ANKRD36C: variants seen among roughly 807,000 people sequenced by gnomAD.
ANKRD36C encodes ankyrin repeat domain 36C.
Under a neutral mutation model 276.4 loss-of-function variants are expected in ANKRD36C, and 61 were observed. The ratio of observed to expected loss-of-function variants is 0.22; its 90% confidence interval spans 0.18 to 0.27. The LOEUF is 0.27. Among genes scored for constraint, ANKRD36C ranks in the 10% least tolerant of loss-of-function variants. The pLI is 1.00. For synonymous variants in ANKRD36C, 483 were observed against 680.1 expected, an observed-to-expected ratio of 0.71 and a Z score of 4.51; for missense variants, 1,447 against 2,032.3, an observed-to-expected ratio of 0.71 and a Z score of 5.54.
chr2:95,879,548 T>C (rs2104318994), intron 58 of ANKRD36C, among the ~76,000 whole-genome samples: 1 of 152,042 alleles, frequency 6.6e-6, no homozygotes, highest in South Asian at 2.1e-4. Flanking sequence ...TATCAAACTA[T>C]CTCATCTACT....
At position 95,954,412 on chromosome 2, in the gene ANKRD36C, C is replaced by A. The variant is rs555070127; in HGVS notation, c.1137-407G>T. On this transcript the variant is annotated intron_variant, in intron 13 of 66. Transcript: ENST00000456556. ...CTGGAGTCAACCTGATAACCTAAAACAAGGTAGAAAAGGCACGGTCTCTTC... is the reference window on the plus strand; with the variant it reads ...CTGGAGTCAACCTGATAACCTAAAAAAAGGTAGAAAAGGCACGGTCTCTTC... Among the ~76,000 whole-genome samples, 48 of 152,226 alleles carry A rather than the reference C, an allele frequency of 3.2e-4. No homozygotes were observed. The Middle Eastern group carries it at 0.014, about 43-fold the overall frequency.
chr2:95,902,533 G>A (rs545070588), intron 42 of ANKRD36C, among the ~76,000 whole-genome samples: 1 of 150,368 alleles, frequency 6.7e-6, no homozygotes, highest in African/African-American at 2.4e-5. Flanking sequence ...TTGGCAGTAC[G>A]ATCTGAAGTG....
chr2:95,897,544 C>G, intron 44 of ANKRD36C, 79 bp from the exon 59 acceptor site: 1 of 1,503,488 alleles, frequency 6.7e-7, no homozygotes, highest in Non-Finnish European at 9.0e-7. Flanking sequence ...GTGTTAGCAT[C>G]AACCTCCGTC....
At chr2:95,991,611 A>G (rs1679144725) in exon 1 of ANKRD36C, 3 of 1,614,056 alleles carry the variant, frequency 1.9e-6, no homozygotes, top group Non-Finnish European at 2.5e-6. Flanking sequence ...GATCCCCTTC[A>G]GATGATACGG....
chr2:95,893,400 C>T (rs1270633630), intron 44 of ANKRD36C, 133 bp downstream of exon 64: 2 of 1,303,554 alleles, frequency 1.5e-6, no homozygotes, highest in Non-Finnish European at 2.1e-6. Context: ...CAAGAACTTA[C>T]TACAAATGAA....
chr2:95,982,339 A>G (rs1379886228), exon 4 of ANKRD36C: 1 of 1,549,642 alleles, frequency 6.5e-7, no homozygotes, highest in South Asian at 1.2e-5. Flanking sequence ...GACTCACAGC[A>G]AGGAACAGTG....
chr2:95,867,056 A>G (rs1675696537), intron 60 of ANKRD36C, among the ~76,000 whole-genome samples: 2 of 152,198 alleles, frequency 1.3e-5, no homozygotes, highest in African/African-American at 4.8e-5. Context: ...GATTTTTTAC[A>G]ACTATATAAT....
At chr2:95,958,133 TC>T (rs925769583) in intron 12 of ANKRD36C, among the ~76,000 whole-genome samples, 1 of 152,198 alleles carries the variant, frequency 6.6e-6, no homozygotes, top group African/African-American at 2.4e-5. Flanking sequence ...CAATCCCTCT[TC>T]CCTGAGGAAA....
At chr2:95,959,016 A>G (rs998943023) in intron 10 of ANKRD36C, among the ~76,000 whole-genome samples, 1 of 152,286 alleles carries the variant, frequency 6.6e-6, no homozygotes, top group Non-Finnish European at 1.5e-5. Context: ...ATTATTCTTC[A>G]TATGTCTATT....
intron 18 of ANKRD36C, 102 bp downstream of exon 18, chr2:95,945,012 G>A (rs901254632): frequency 7.1e-7 from 1 of 1,408,106 alleles, no homozygotes; most frequent in African/African-American, 1.4e-5. Flanking sequence ...ACTCCAGCCT[G>A]GGCAACATTG....
chr2:95,966,444 T>C (rs1678593094), intron 6 of ANKRD36C, among the ~76,000 whole-genome samples: 1 of 152,184 alleles, frequency 6.6e-6, no homozygotes, highest in Non-Finnish European at 1.5e-5. Context: ...CCATTCCTTT[T>C]GTCAGGTTTG....
At chr2:95,936,462 T>C (rs1348840228) in intron 22 of ANKRD36C, among the ~76,000 whole-genome samples, 1 of 152,280 alleles carries the variant, frequency 6.6e-6, no homozygotes, top group African/African-American at 2.4e-5. Flanking sequence ...ATGAAGCACC[T>C]GTCCTATTGT....
rs1342954112 is a variant in ANKRD36C, at chr2:95,912,580, G to C, written c.2552-145C>G. The C allele has an allele frequency of 6.1e-6, 9 of 1,475,888 alleles. No homozygotes were observed. In the East Asian group the frequency reaches 1.7e-4, roughly 28 times the overall value. 91.4% of individuals were successfully genotyped at this position (1,475,888 alleles called of 1,614,324 possible). ...GCTTCTATTTTGTGTCTGGGGACCA[G>C]AACGTGACAGAAACACACTGAAAAA... On this transcript the variant is annotated intron_variant, in intron 40 of 66. Coordinates refer to ENST00000456556, the Ensembl canonical transcript of ANKRD36C.
intron 54 of ANKRD36C, among the ~76,000 whole-genome samples, chr2:95,883,382 A>G (rs1676130337): frequency 6.6e-6 from 1 of 152,150 alleles, no homozygotes; most frequent in South Asian, 2.1e-4. Flanking sequence ...GCTACTCTCT[A>G]AAGCATTTTC....
exon 65 of ANKRD36C, chr2:95,852,138 C>A: frequency 6.2e-7 from 1 of 1,608,352 alleles, no homozygotes; most frequent in South Asian, 1.1e-5. Context: ...TTGTGCGTCG[C>A]CTTCCATCTC....
intron 16 of ANKRD36C, 124 bp from the exon 17 acceptor site, chr2:95,948,720 A>C: frequency 1.3e-6 from 1 of 779,358 alleles, no homozygotes; most frequent in Non-Finnish European, 2.0e-6. Context: ...GAGGAAGGTC[A>C]GTTATCCTTA....
chr2:95,885,007 A>G (rs907841655), intron 52 of ANKRD36C, among the ~76,000 whole-genome samples: 3 of 152,012 alleles, frequency 2.0e-5, no homozygotes, highest in African/African-American at 7.2e-5. Flanking sequence ...GCTTTCCAAA[A>G]TTTCTTCATC....
chr2:95,890,781 T>C (rs1676328196), intron 46 of ANKRD36C, among the ~76,000 whole-genome samples: 1 of 151,588 alleles, frequency 6.6e-6, no homozygotes, highest in Non-Finnish European at 1.5e-5. Flanking sequence ...GCAATATTCA[T>C]TGAAAATGAC....
chr2:95,894,146 T>C lies in ANKRD36C; in HGVS notation c.2756-2286A>G, dbSNP rs190862183. Reference sequence around the variant, plus strand: ...TACACCATTATACTAAAAACATTCATCATGCTCTTTAAACTGCCAATAACT... The same window carrying C: ...TACACCATTATACTAAAAACATTCACCATGCTCTTTAAACTGCCAATAACT... On this transcript the variant is annotated intron_variant, in intron 44 of 66. Transcript: ENST00000456556. 4.1e-3 allele frequency: 946 copies of C among 231,872 alleles called. 11 individuals carry two copies. In the Middle Eastern group the frequency reaches 0.047, roughly 12 times the overall value. The allele number at this position is 231,872 out of a possible 1,614,324, so 14.4% of individuals were successfully genotyped here.
Sources: allele counts gnomAD v4.1 joint callset (sites outside exome capture counted in the v4.1 genomes callset), GRCh38; gene constraint gnomAD v4.1.1; transcripts MANE v1.5; gene names NCBI Gene and HGNC (gene_info 2026-07-23, HGNC 2026-07-21).